Variants in STMN4 observed in about 807,000 individuals in gnomAD.
The protein encoded by STMN4 is stathmin-4.
A neutral mutation model predicts 29.1 loss-of-function variants in STMN4; 12 were observed. The observed-to-expected ratio is 0.41, with a 90% CI of 0.26 to 0.67. The LOEUF is 0.67. Among genes scored for constraint, STMN4 ranks in the 30% least tolerant of loss-of-function variants. The pLI, the probability that STMN4 is intolerant of heterozygous loss-of-function variation, is 0.30. For missense variants in STMN4, 181 were observed against 262.8 expected (o/e 0.69, Z 2.15); for synonymous variants, 114 against 105.3 (o/e 1.08, Z -0.51).
chr8:27,252,764 G>A (rs1801828705), intron 1 of STMN4, among the ~76,000 whole-genome samples: 1 of 152,128 alleles, frequency 6.6e-6, no homozygotes, highest in African/African-American at 2.4e-5. Context: ...TTCTGATAAA[G>A]CTCCATGTTA....
At chr8:27,241,374 A>G (rs1425723800) in intron 4 of STMN4, 112 bp from the exon 5 acceptor site, 79 of 1,298,976 alleles carry the variant, frequency 6.1e-5, no homozygotes, top group Non-Finnish European at 8.5e-5. Flanking sequence ...AGCAAGCTGG[A>G]GACTGGGGTC....
intron 1 of STMN4, among the ~76,000 whole-genome samples, chr8:27,249,086 G>A (rs2130127077): frequency 6.6e-6 from 1 of 151,072 alleles, no homozygotes; most frequent in Non-Finnish European, 1.5e-5. Context: ...TAAATTAGTG[G>A]GTGATAACCC....
intron 6 of STMN4, 62 bp from the exon 7 acceptor site, chr8:27,236,967 G>A: frequency 6.4e-7 from 1 of 1,555,700 alleles, no homozygotes; most frequent in Non-Finnish European, 8.7e-7. Flanking sequence ...AAAAAGGGAG[G>A]CCAAGGGGCA....
intron 1 of STMN4, among the ~76,000 whole-genome samples, chr8:27,257,164 C>T (rs1052597360): frequency 1.3e-5 from 2 of 152,160 alleles, no homozygotes; most frequent in East Asian, 1.9e-4. Context: ...TCCCCTCTGC[C>T]TTCTCACTGC....
chr8:27,245,281 A>G (rs1376283291), intron 1 of STMN4, among the ~76,000 whole-genome samples: 1 of 152,222 alleles, frequency 6.6e-6, no homozygotes, highest in Non-Finnish European at 1.5e-5. Context: ...CAGGTGCCAC[A>G]TGCCTGCTTC....
At chr8:27,242,594 G>T (rs1801508442) in intron 2 of STMN4, 102 bp from the exon 3 acceptor site, 4 of 1,175,044 alleles carry the variant, frequency 3.4e-6, no homozygotes, top group South Asian at 1.3e-5. Flanking sequence ...TTCCATAAAG[G>T]CACTCAAACC....
intron 1 of STMN4, among the ~76,000 whole-genome samples, chr8:27,245,790 T>G (rs1372002859): frequency 6.6e-6 from 1 of 151,840 alleles, no homozygotes; most frequent in African/African-American, 2.4e-5. Context: ...GCAGATGGAG[T>G]AGGAGCAGGC....
chr8:27,243,043 G>A (rs766610840), intron 2 of STMN4, among the ~76,000 whole-genome samples: 9 of 152,108 alleles, frequency 5.9e-5, no homozygotes, highest in East Asian at 1.9e-4. Flanking sequence ...CCTGGGGGTC[G>A]CTGGTGTCCC....
chr8:27,238,715 A>G (rs1182793119), intron 6 of STMN4, among the ~76,000 whole-genome samples: 2 of 152,196 alleles, frequency 1.3e-5, no homozygotes, highest in Admixed American at 6.5e-5. Flanking sequence ...TCCACTGCTT[A>G]TTAGTTTCGT....
chr8:27,242,552 C>T, intron 2 of STMN4, 60 bp from the exon 3 acceptor site: 3 of 1,561,514 alleles, frequency 1.9e-6, no homozygotes, highest in Admixed American at 1.8e-5. Flanking sequence ...AGTCAGCGTC[C>T]TCACGGGTCT....
chr8:27,248,168 C>A (rs1801682809), intron 1 of STMN4, among the ~76,000 whole-genome samples: 1 of 152,202 alleles, frequency 6.6e-6, no homozygotes, highest in Admixed American at 6.5e-5. Context: ...GGCAGCTGAG[C>A]CCCTGTGCTG....
At chr8:27,240,554 G>A (rs1243466923) in intron 5 of STMN4, among the ~76,000 whole-genome samples, 1 of 152,112 alleles carries the variant, frequency 6.6e-6, no homozygotes, top group Non-Finnish European at 1.5e-5. Context: ...ATGCCCTAAG[G>A]TGTAGACAGG....
At chr8:27,247,712 C>T (rs1449101090) in intron 1 of STMN4, among the ~76,000 whole-genome samples, 5 of 152,308 alleles carry the variant, frequency 3.3e-5, no homozygotes, top group African/African-American at 9.6e-5. Context: ...TGCCCAAGGT[C>T]AGAGCACACA....
intron 1 of STMN4, among the ~76,000 whole-genome samples, chr8:27,248,715 G>A (rs1022635069): frequency 1.2e-4 from 19 of 152,278 alleles, no homozygotes; most frequent in African/African-American, 3.4e-4. Context: ...AAGTTATACC[G>A]TCGTCACACA....
chr8:27,252,896 A>G (rs568121365), intron 1 of STMN4, among the ~76,000 whole-genome samples: 21 of 152,216 alleles, frequency 1.4e-4, no homozygotes, highest in Non-Finnish European at 2.4e-4. Context: ...TCCATGCTTA[A>G]AATTCTCACC....
At chr8:27,243,182 G>T (rs1801525481) in intron 2 of STMN4, among the ~76,000 whole-genome samples, 1 of 152,158 alleles carries the variant, frequency 6.6e-6, no homozygotes, top group African/African-American at 2.4e-5. Context: ...GGCTGCTCAG[G>T]TTGCAGCCCT....
At chr8:27,248,380 C>A (rs562671155) in intron 1 of STMN4, among the ~76,000 whole-genome samples, 80 of 152,256 alleles carry the variant, frequency 5.3e-4, no homozygotes, top group African/African-American at 1.9e-3. Context: ...GACTGTGAAC[C>A]TGACTGTGTG....
In STMN4 at chr8:27,257,459, A is replaced by AACACACACACAC. The variant is rs59516183; in HGVS notation, c.-79+880_-79+891dup. On this transcript the variant is annotated intron_variant, in intron 1 of 6. Coordinates refer to ENST00000350889, the MANE Select transcript of STMN4 (RefSeq NM_030795.4). ...GACCTCTCCCTCCGACCCCCATACA[A>AACACACACACAC]ACACACACACACACACACACACACA... is the stretch of plus-strand genomic sequence containing the variant. 1.3e-3 allele frequency among the ~76,000 whole-genome samples: 173 copies of AACACACACACAC among 137,812 alleles called. 1 individual carries two copies. The highest frequency in any genetic ancestry group is 9.6e-3 in the East Asian group (44 of 4,602). The allele number at this position is 137,812 out of a possible 152,430, so 90.4% of individuals were successfully genotyped here.
intron 5 of STMN4, 47 bp from the exon 6 acceptor site, chr8:27,240,209 C>G (rs776151365): frequency 3.4e-5 from 54 of 1,580,442 alleles, no homozygotes; most frequent in Non-Finnish European, 4.6e-5. Context: ...GTGAGTGTGC[C>G]AGGGTTTATT....
Sources: gnomAD v4.1 joint callset for allele counts (sites outside exome capture counted in the v4.1 genomes callset) on GRCh38, gnomAD v4.1.1 for gene constraint, MANE v1.5 for transcripts, NCBI Gene and HGNC (gene_info 2026-07-23, HGNC 2026-07-21) for gene names.